GPR157: variants seen among roughly 807,000 people sequenced by gnomAD.
The protein encoded by GPR157 is G-protein coupled receptor 157.
Under a neutral mutation model 23.5 loss-of-function variants are expected in GPR157, and 16 were observed. That is an observed-to-expected ratio of 0.68 (90% CI 0.46 to 1.04). GPR157 has a LOEUF of 1.04. Ranked by LOEUF, GPR157 falls within the 50% of genes least tolerant of loss-of-function variation. The pLI, the probability that GPR157 is intolerant of heterozygous loss-of-function variation, is 0.00. For synonymous variants in GPR157, 200 were observed against 221.5 expected, an observed-to-expected ratio of 0.90 and a Z score of 0.86; for missense variants, 440 against 460.7, an observed-to-expected ratio of 0.96 and a Z score of 0.41.
Position 9,128,886 on chromosome 1 carries a change from G to T in GPR157, c.142C>A (p.Arg48Ser). The T allele has an allele frequency of 6.4e-7, 1 of 1,559,132 alleles. No individual in the cohort carries two copies. Among genetic ancestry groups the T allele is most frequent in the Non-Finnish European group, 8.7e-7 (1 of 1,153,800 alleles). ...LWPDLRSRARRLLLFLSLADL... is the reference protein window; with the variant it reads ...LWPDLRSRARSLLLFLSLADL... ...GCCAGCGACAGGAAGAGCAGCAGGC[G>T]CCGTGCCCGGCTGCGCAGGTCGGGC... Residue 48 changes from arginine to serine, a missense_variant, in exon 1 of 4, where the codon CGC becomes AGC. Coordinates refer to ENST00000377411, the MANE Select transcript of GPR157 (RefSeq NM_024980.5). This position sits in a 1 kb window ranked among gnomAD's most constrained non-coding sequence, Gnocchi z 6.3.
intron 1 of GPR157, among the ~76,000 whole-genome samples, chr1:9,115,474 C>G (rs1249010462): frequency 2.0e-5 from 3 of 151,980 alleles, no homozygotes; most frequent in African/African-American, 7.2e-5. Context: ...TTTCATTTCC[C>G]TTAACGGGAT....
intron 1 of GPR157, among the ~76,000 whole-genome samples, chr1:9,126,030 T>C (rs749683131): frequency 1.1e-3 from 165 of 151,594 alleles, no homozygotes; most frequent in Admixed American, 1.7e-3. Context: ...AGTGGCGCGA[T>C]CGTGGCTCAC....
At chr1:9,123,285 T>A (rs549186933) in intron 1 of GPR157, among the ~76,000 whole-genome samples, 4 of 24,888 alleles carry the variant, frequency 1.6e-4, no homozygotes, top group African/African-American at 4.8e-4. Context: ...AATATATATT[T>A]AAATTAATAT....
At position 9,104,810 on chromosome 1, in the gene GPR157, G is replaced by A. The variant is rs368326493; in HGVS notation, c.793-176C>T. Among the ~76,000 whole-genome samples, 5 of 151,996 alleles carry A rather than the reference G, an allele frequency of 3.3e-5. No individual in the cohort carries two copies. The East Asian group carries it at 9.6e-4, about 29-fold the overall frequency. On this transcript the variant is annotated intron_variant, in intron 3 of 3. Coordinates refer to ENST00000377411, the MANE Select transcript of GPR157 (RefSeq NM_024980.5). Reference sequence around the variant, plus strand: ...GAGGTCAGGAGTTGAAGATCAGCCTGGCCAACAAGGTGAAACCCTGTCTCT... The same window carrying A: ...GAGGTCAGGAGTTGAAGATCAGCCTAGCCAACAAGGTGAAACCCTGTCTCT...
intron 2 of GPR157, 183 bp downstream of exon 2, chr1:9,111,093 C>A: frequency 1.5e-6 from 1 of 653,176 alleles, no homozygotes; most frequent in Non-Finnish European, 2.8e-6. Flanking sequence ...ATGCACGATC[C>A]GTGTAACACA....
Position 9,128,341 on chromosome 1 carries a change from G to C in GPR157, c.383+304C>G, listed in dbSNP as rs1010783762. On this transcript the variant is annotated intron_variant, in intron 1 of 3. Coordinates refer to ENST00000377411, the MANE Select transcript of GPR157 (RefSeq NM_024980.5). The surrounding 1 kb of genome is among the most constrained non-coding windows in gnomAD (Gnocchi z 6.3). ...GACACAGTGAAGCAGGTCACAAGGGGCTCAGAGTGTCCTCCCCAGCCCCGT... is the reference window on the plus strand; with the variant it reads ...GACACAGTGAAGCAGGTCACAAGGGCCTCAGAGTGTCCTCCCCAGCCCCGT... 57 of 637,302 alleles carry C rather than the reference G, an allele frequency of 8.9e-5. 1 individual carries two copies. The Admixed American group carries it at 9.4e-4, about 11-fold the overall frequency. The allele number at this position is 637,302 out of a possible 1,614,324, so 39.5% of individuals were successfully genotyped here.
rs906827197 is a variant in GPR157, at chr1:9,105,742, G to A, written c.598-62C>T. The A allele has an allele frequency of 1.1e-5, 16 of 1,435,100 alleles. No individual in the cohort carries two copies. In the African/African-American group the frequency reaches 1.5e-4, roughly 14 times the overall value. The allele number at this position is 1,435,100 out of a possible 1,614,324, so 88.9% of individuals were successfully genotyped here. The stretch of plus-strand genomic sequence containing the variant: ...GGCACCCTCCCGCCACGTCCACCCA[G>A]GCTGCCCAGGTCTTCCCAGGGACTT... On this transcript the variant is annotated intron_variant, in intron 2 of 3. Transcript: ENST00000377411. The surrounding 1 kb of genome is among the most constrained non-coding windows in gnomAD (Gnocchi z 4.8).
Position 9,128,763 on chromosome 1 carries a change from C to T in GPR157, c.265G>A (p.Ala89Thr), listed in dbSNP as rs778230806. The T allele has an allele frequency of 3.1e-6, 5 of 1,612,482 alleles. No individual in the cohort carries two copies. The highest frequency in any genetic ancestry group is 4.2e-6 in the Non-Finnish European group (5 of 1,179,322). ...GTCCAGAAGAAGGAGCTGGTGTTGG[C>T]GAAGGTGGACAGCGCGCCCTGCAGC... The part of the protein sequence containing the change: ...CVLQGALSTF[A>T]NTSSFFWTVA... Residue 89 changes from alanine (A) to threonine (T), a missense_variant, in exon 1 of 4, where the codon GCC becomes ACC. By Grantham distance (58) the Ala-to-Thr change is moderately conservative (BLOSUM62 0). Transcript: ENST00000377411. The surrounding 1 kb of genome is among the most constrained non-coding windows in gnomAD (Gnocchi z 6.3).
intron 1 of GPR157, among the ~76,000 whole-genome samples, chr1:9,116,274 TA>T (rs1638660180): frequency 1.2e-4 from 2 of 16,526 alleles, no homozygotes; most frequent in Non-Finnish European, 1.7e-4. Flanking sequence ...ATAATATAAT[TA>T]TATATAAATT....
At chr1:9,113,872 G>A (rs1235049981) in intron 1 of GPR157, among the ~76,000 whole-genome samples, 3 of 151,508 alleles carry the variant, frequency 2.0e-5, no homozygotes, top group Non-Finnish European at 4.4e-5. Flanking sequence ...GAACCTGGGA[G>A]GCAGAGGTTG....
intron 1 of GPR157, among the ~76,000 whole-genome samples, chr1:9,126,560 A>G (rs1399189334): frequency 1.3e-5 from 2 of 152,236 alleles, no homozygotes; most frequent in East Asian, 3.8e-4. Flanking sequence ...AAAAGTGGAT[A>G]ATCATGTAGT....
At position 9,128,466 on chromosome 1, in the gene GPR157, C is replaced by G. The variant is rs954313279; in HGVS notation, c.383+179G>C. On this transcript the variant is annotated intron_variant, in intron 1 of 3. Coordinates refer to ENST00000377411, the MANE Select transcript of GPR157 (RefSeq NM_024980.5). This position sits in a 1 kb window ranked among gnomAD's most constrained non-coding sequence, Gnocchi z 6.3. ...ACAGCGGGGCTCCTTCGGGAGGGAGCGAATCTCGGGCAAGGCTGGCCTCCT... is the reference window on the plus strand; with the variant it reads ...ACAGCGGGGCTCCTTCGGGAGGGAGGGAATCTCGGGCAAGGCTGGCCTCCT... The G allele has an allele frequency of 1.4e-6, 1 of 689,814 alleles. No individual in the cohort carries two copies. Among genetic ancestry groups the G allele is most frequent in the Middle Eastern group, 2.4e-4 (1 of 4,230 alleles). The allele number at this position is 689,814 out of a possible 1,614,324, so 42.7% of individuals were successfully genotyped here. A position where few individuals can be genotyped will look rare whatever the true frequency, so the allele number is the denominator to read the frequency against.
Position 9,128,565 on chromosome 1 carries a change from C to A in GPR157, c.383+80G>T, listed in dbSNP as rs1370422925. On this transcript the variant is annotated intron_variant, in intron 1 of 3. Transcript: ENST00000377411. The surrounding 1 kb of genome is among the most constrained non-coding windows in gnomAD (Gnocchi z 6.3). ...GTGGGTAGGGGGTGTCCAACCTAGA[C>A]GCGGCCTCTGGGAGGGCAAGACCGG... 1 of 1,372,080 alleles carries A rather than the reference C, an allele frequency of 7.3e-7. No individual in the cohort carries two copies. The highest frequency in any genetic ancestry group is 1.0e-6 in the Non-Finnish European group (1 of 977,662). The allele number at this position is 1,372,080 out of a possible 1,614,324, so 85.0% of individuals were successfully genotyped here.
Position 9,111,453 on chromosome 1 carries a change from G to A in GPR157, c.420C>T (p.Val140=), listed in dbSNP as rs140091606. The A allele has an allele frequency of 1.1e-4, 184 of 1,613,948 alleles. No homozygotes were observed. In the East Asian group the frequency reaches 3.1e-3, roughly 27 times the overall value. The change falls in exon 2 of 4, where the codon GTC becomes GTT. Residue 140 remains valine, a synonymous_variant. Coordinates refer to ENST00000377411, the MANE Select transcript of GPR157 (RefSeq NM_024980.5). ...GVPLVITVAA[V]ALKKIGYDAS... The stretch of plus-strand genomic sequence containing the variant: ...CGTCATAGCCAATCTTCTTCAGGGC[G>A]ACGGCTGCCACAGTGATGACCAACG...
Position 9,120,606 on chromosome 1 carries a change from G to A in GPR157, c.383+8039C>T, listed in dbSNP as rs1013710343. On this transcript the variant is annotated intron_variant, in intron 1 of 3. Coordinates refer to ENST00000377411, the MANE Select transcript of GPR157 (RefSeq NM_024980.5). The surrounding 1 kb of genome is among the most constrained non-coding windows in gnomAD (Gnocchi z 4.1). Reference sequence around the variant, plus strand: ...GGTCAGGACTTGGGAGAAGTTCAGGGAGTCAGCCCCTAGGCCAGGCTACCA... The same window carrying A: ...GGTCAGGACTTGGGAGAAGTTCAGGAAGTCAGCCCCTAGGCCAGGCTACCA... Among the ~76,000 whole-genome samples the A allele has an allele frequency of 1.3e-5, 2 of 152,318 alleles. No homozygotes were observed. The highest frequency in any genetic ancestry group is 3.9e-4 in the East Asian group (2 of 5,182).
chr1:9,118,228 T>C lies in GPR157; in HGVS notation c.384-6739A>G, dbSNP rs2124522030. Among the ~76,000 whole-genome samples, 1 of 152,262 alleles carries C rather than the reference T, an allele frequency of 6.6e-6. No homozygotes were observed. Among genetic ancestry groups the C allele is most frequent in the South Asian group, 2.1e-4 (1 of 4,822 alleles). On this transcript the variant is annotated intron_variant, in intron 1 of 3. Coordinates refer to ENST00000377411, the MANE Select transcript of GPR157 (RefSeq NM_024980.5). This position sits in a 1 kb window ranked among gnomAD's most constrained non-coding sequence, Gnocchi z 4.6. ...GATGCCGGAGGAATGGGCGGGGTCC[T>C]GCCCAGTCCTAAATCTGGGGGCTGA... is the stretch of plus-strand genomic sequence containing the variant.
chr1:9,128,969 A>T lies in GPR157; in HGVS notation c.59T>A (p.Leu20Gln). Reference sequence around the variant, plus strand: ...GCCGAGCGCGGAGAGTGCGCACGACAGCAGCACCACGGCGCGCTCCGACGG... The same window carrying T: ...GCCGAGCGCGGAGAGTGCGCACGACTGCAGCACCACGGCGCGCTCCGACGG... ...LVPSERAVVL[L>Q]SCALSALGSG... The change falls in exon 1 of 4, where the codon CTG becomes CAG. Residue 20 changes from leucine to glutamine, a missense_variant. By Grantham distance (113) the Leu-to-Gln change is moderately radical. Transcript: ENST00000377411. The surrounding 1 kb of genome is among the most constrained non-coding windows in gnomAD (Gnocchi z 6.3). 7.0e-7 allele frequency: 1 copy of T among 1,423,458 alleles called. No individual in the cohort carries two copies. The allele number at this position is 1,423,458 out of a possible 1,614,324, so 88.2% of individuals were successfully genotyped here.
chr1:9,115,671 C>G (rs1304422972), intron 1 of GPR157, among the ~76,000 whole-genome samples: 1 of 151,916 alleles, frequency 6.6e-6, no homozygotes, highest in Non-Finnish European at 1.5e-5. Flanking sequence ...TTTTTACATA[C>G]TGGGTTTTCT....
rs1379694911 is a variant in GPR157, at chr1:9,128,450, C to T, written c.383+195G>A. On this transcript the variant is annotated intron_variant, in intron 1 of 3. Transcript: ENST00000377411. This position sits in a 1 kb window ranked among gnomAD's most constrained non-coding sequence, Gnocchi z 6.3. ...GTGCCCTGGGGCAGGCACAGCGGGG[C>T]TCCTTCGGGAGGGAGCGAATCTCGG... is the stretch of plus-strand genomic sequence containing the variant. 1 of 685,224 alleles carries T rather than the reference C, an allele frequency of 1.5e-6. No individual in the cohort carries two copies. The highest frequency in any genetic ancestry group is 2.6e-6 in the Non-Finnish European group (1 of 378,826). The allele number at this position is 685,224 out of a possible 1,614,324, so 42.4% of individuals were successfully genotyped here.
Sources: gnomAD v4.1 joint callset for allele counts (sites outside exome capture counted in the v4.1 genomes callset) on GRCh38, gnomAD v4.1.1 for gene constraint, Gnocchi (gnomAD v3.1) non-coding constraint, MANE v1.5 for transcripts, NCBI Gene and HGNC (gene_info 2026-07-23, HGNC 2026-07-21) for gene names.